The following TAOK1 variants were observed in gnomAD, a reference collection of about 807,000 sequenced individuals.
The protein encoded by TAOK1 is serine/threonine-protein kinase TAO1.
TAOK1 carries 21 observed loss-of-function variants against 138.3 expected under a neutral mutation model. The ratio of observed to expected loss-of-function variants is 0.15; its 90% CI spans 0.11 to 0.22. The LOEUF (loss-of-function observed/expected upper bound fraction) is 0.22. Among genes scored for constraint, TAOK1 ranks in the 10% least tolerant of loss-of-function variants. The pLI, the probability that TAOK1 is intolerant of heterozygous loss-of-function variation, is 1.00. For missense variants in TAOK1, 651 were observed against 1,227.7 expected, an observed-to-expected ratio of 0.53 and a Z score of 7.02; for synonymous variants, 361 against 398.4, an observed-to-expected ratio of 0.91 and a Z score of 1.12.
intron 1 of TAOK1, among the ~76,000 whole-genome samples, chr17:29,409,141 T>TG (rs1905076306): frequency 6.6e-6 from 1 of 151,988 alleles, no homozygotes; most frequent in African/African-American, 2.4e-5. Context: ...TATTTATCTA[T>TG]GTTGCGTGTT....
At chr17:29,428,232 A>G (rs1315905571) in intron 1 of TAOK1, among the ~76,000 whole-genome samples, 1 of 152,184 alleles carries the variant, frequency 6.6e-6, no homozygotes, top group East Asian at 1.9e-4. Flanking sequence ...ACATCCTCAT[A>G]GATGTTGGGA....
chr17:29,421,726 G>GT (rs1905449807), intron 1 of TAOK1, among the ~76,000 whole-genome samples: 1 of 151,966 alleles, frequency 6.6e-6, no homozygotes, highest in African/African-American at 2.4e-5. Context: ...AGCCTCCCAA[G>GT]TAGCTGGAAC....
intron 1 of TAOK1, among the ~76,000 whole-genome samples, chr17:29,419,968 C>T (rs1173315916): frequency 6.6e-6 from 1 of 152,052 alleles, no homozygotes; most frequent in Non-Finnish European, 1.5e-5. Context: ...CAGCCTCAAC[C>T]TCCCGGGCTC....
chr17:29,470,728 A>G (rs1329586975), intron 3 of TAOK1, among the ~76,000 whole-genome samples: 6 of 152,198 alleles, frequency 3.9e-5, no homozygotes. Context: ...AACTATAGGC[A>G]TGACTTGGAG....
chr17:29,453,440 G>A (rs1362313405), intron 2 of TAOK1, among the ~76,000 whole-genome samples: 3 of 152,104 alleles, frequency 2.0e-5, no homozygotes, highest in Admixed American at 1.3e-4. Flanking sequence ...AAGTAGAGAC[G>A]GGGTTTTGCC....
At chr17:29,425,903 C>T (rs1369263808) in intron 1 of TAOK1, among the ~76,000 whole-genome samples, 13 of 151,970 alleles carry the variant, frequency 8.6e-5, no homozygotes, top group African/African-American at 2.4e-4. Flanking sequence ...GTTTTTGAGA[C>T]GGAGTCTCGC....
chr17:29,420,480 C>CA (rs1383266022), intron 1 of TAOK1, among the ~76,000 whole-genome samples: 1 of 150,196 alleles, frequency 6.7e-6, no homozygotes, highest in East Asian at 1.9e-4. Flanking sequence ...GTCTGAATGC[C>CA]TTTTTTTTTC....
chr17:29,394,669 C>T (rs1027598680), intron 1 of TAOK1, among the ~76,000 whole-genome samples: 5 of 152,126 alleles, frequency 3.3e-5, no homozygotes, highest in African/African-American at 1.2e-4. Context: ...TTTCACTAGT[C>T]TCTGTTACTT....
chr17:29,421,012 C>T (rs550027592), intron 1 of TAOK1, among the ~76,000 whole-genome samples: 1 of 152,288 alleles, frequency 6.6e-6, no homozygotes, highest in African/African-American at 2.4e-5. Context: ...TCATTGCAAC[C>T]TCTGCCTCCC....
chr17:29,455,966 T>C (rs1287077425), intron 2 of TAOK1, among the ~76,000 whole-genome samples: 1 of 150,294 alleles, frequency 6.7e-6, no homozygotes, highest in Non-Finnish European at 1.5e-5. Flanking sequence ...ATCAGGGTAA[T>C]ACTGGCTTCA....
At chr17:29,494,617 G>T (rs1377342461) in intron 10 of TAOK1, among the ~76,000 whole-genome samples, 1 of 152,052 alleles carries the variant, frequency 6.6e-6, no homozygotes, top group African/African-American at 2.4e-5. Flanking sequence ...ACGAGGTCAG[G>T]AGATCGAGAC....
intron 19 of TAOK1, among the ~76,000 whole-genome samples, chr17:29,540,635 A>G (rs748377725): frequency 2.0e-5 from 3 of 151,986 alleles, no homozygotes; most frequent in Non-Finnish European, 4.4e-5. Context: ...CAATGGTGCT[A>G]TCTCTTCTCA....
chr17:29,496,021 G>GT (rs1371966401), intron 11 of TAOK1, among the ~76,000 whole-genome samples: 1 of 152,026 alleles, frequency 6.6e-6, no homozygotes, highest in African/African-American at 2.4e-5. Flanking sequence ...GAAGTCCTTC[G>GT]TTAAAGAAAC....
At chr17:29,508,233 C>G in intron 14 of TAOK1, 101 bp downstream of exon 14, 1 of 989,458 alleles carries the variant, frequency 1.0e-6, no homozygotes, top group South Asian at 1.5e-5. Context: ...TCCCGTGAAC[C>G]AAGCAAATTG....
At chr17:29,521,924 G>T (rs973847946) in intron 16 of TAOK1, among the ~76,000 whole-genome samples, 1 of 152,202 alleles carries the variant, frequency 6.6e-6, no homozygotes, top group African/African-American at 2.4e-5. Flanking sequence ...AGTAGACTGC[G>T]TGTAAAATAA....
At chr17:29,493,873 ATATTCT>A (rs1385515974) in intron 10 of TAOK1, among the ~76,000 whole-genome samples, 1 of 152,088 alleles carries the variant, frequency 6.6e-6, no homozygotes, top group Non-Finnish European at 1.5e-5. Flanking sequence ...ATTTGATGAA[ATATTCT>A]ACAGGCATTA....
intron 4 of TAOK1, among the ~76,000 whole-genome samples, chr17:29,476,390 G>A (rs1289158171): frequency 6.6e-6 from 1 of 152,022 alleles, no homozygotes; most frequent in Non-Finnish European, 1.5e-5. Flanking sequence ...TAGTGGTAGT[G>A]GTGACTTGTA....
intron 1 of TAOK1, among the ~76,000 whole-genome samples, chr17:29,435,629 G>T (rs925119090): frequency 6.6e-6 from 1 of 152,144 alleles, no homozygotes; most frequent in African/African-American, 2.4e-5. Flanking sequence ...CCCTGTACAA[G>T]GACTGCGAAG....
intron 19 of TAOK1, among the ~76,000 whole-genome samples, chr17:29,535,467 A>G (rs1321696858): frequency 6.6e-6 from 1 of 152,172 alleles, no homozygotes; most frequent in Non-Finnish European, 1.5e-5. Context: ...TGATCTTCCT[A>G]AAGTTGTCAT....
Sources: gnomAD v4.1 joint callset for allele counts (sites outside exome capture counted in the v4.1 genomes callset) on GRCh38, gnomAD v4.1.1 for gene constraint, MANE v1.5 for transcripts, NCBI Gene and HGNC (gene_info 2026-07-23, HGNC 2026-07-21) for gene names.